Variants in HMCN1 observed in about 807,000 individuals in gnomAD.
The protein encoded by HMCN1 is hemicentin 1, also known as hemicentin-1.
A neutral mutation model predicts 625.9 loss-of-function variants in HMCN1; 321 were observed. The observed-to-expected ratio is 0.51, with a 90% CI of 0.47 to 0.56. The LOEUF (loss-of-function observed/expected upper bound fraction) is 0.56, where lower values mean the gene tolerates loss of function less well. HMCN1 is among the 20% of genes least tolerant of loss of function. HMCN1 has a pLI of 0.00. For synonymous variants in HMCN1, 2,425 were observed against 2,417.6 expected, an observed-to-expected ratio of 1.00 and a Z score of -0.09; for missense variants, 6,588 against 6,887.3, an observed-to-expected ratio of 0.96 and a Z score of 1.54.
chr1:185,780,758 T>C (rs1202124768), intron 1 of HMCN1, among the ~76,000 whole-genome samples: 1 of 152,246 alleles, frequency 6.6e-6, no homozygotes. Flanking sequence ...GCCAGTATTT[T>C]ATTGAGGATT....
intron 11 of HMCN1, among the ~76,000 whole-genome samples, chr1:185,943,445 C>A (rs1417347365): frequency 6.6e-6 from 1 of 152,118 alleles, no homozygotes; most frequent in Non-Finnish European, 1.5e-5. Context: ...TAAGGAAATA[C>A]CCCCATACAT....
At chr1:185,979,823 A>T (rs1651490664) in intron 16 of HMCN1, among the ~76,000 whole-genome samples, 1 of 152,124 alleles carries the variant, frequency 6.6e-6, no homozygotes, top group African/African-American at 2.4e-5. Context: ...TCTCTGTTCA[A>T]ATCTTATCAA....
intron 36 of HMCN1, among the ~76,000 whole-genome samples, chr1:186,029,589 T>C (rs190861084): frequency 6.6e-6 from 1 of 152,080 alleles, no homozygotes; most frequent in East Asian, 1.9e-4. Context: ...CTCTTTCATT[T>C]CTGATTGTAG....
In HMCN1 at chr1:185,876,895, C is replaced by T. The variant is rs117844466; in HGVS notation, c.621+11032C>T. 1.3e-3 allele frequency among the ~76,000 whole-genome samples: 192 copies of T among 152,014 alleles called. 3 individuals are homozygous for T. In the East Asian group the frequency reaches 0.034, roughly 27 times the overall value. On this transcript the variant is annotated intron_variant, in intron 4 of 106. Transcript: ENST00000271588. ...TACTCCACTAGTTATTTCTTTTGCT[C>T]TGCAGGAGGTATTTTGTTTAAGTCC...
At chr1:185,993,933 C>T (rs573345423) in intron 23 of HMCN1, among the ~76,000 whole-genome samples, 3 of 152,076 alleles carry the variant, frequency 2.0e-5, no homozygotes, top group South Asian at 2.1e-4. Context: ...AATTGTGTCC[C>T]CATTGATTAT....
chr1:186,114,569 A>C (rs769444195), intron 73 of HMCN1, among the ~76,000 whole-genome samples: 2 of 152,080 alleles, frequency 1.3e-5, no homozygotes, highest in African/African-American at 2.4e-5. Context: ...CAAATTTAGT[A>C]TTTTAAAAGC....
chr1:186,002,716 C>T (rs1267418918), intron 28 of HMCN1, among the ~76,000 whole-genome samples: 2 of 151,988 alleles, frequency 1.3e-5, no homozygotes, highest in African/African-American at 4.8e-5. Context: ...CTAATTTTCT[C>T]CATAGTATTG....
chr1:185,879,768 T>G (rs1252411695), intron 4 of HMCN1, among the ~76,000 whole-genome samples: 1 of 152,122 alleles, frequency 6.6e-6, no homozygotes, highest in Non-Finnish European at 1.5e-5. Context: ...TTGGTTGGCC[T>G]TGGGAATGTG....
chr1:185,796,890 A>T (rs1242789966), intron 1 of HMCN1, among the ~76,000 whole-genome samples: 1 of 152,150 alleles, frequency 6.6e-6, no homozygotes, highest in East Asian at 1.9e-4. Flanking sequence ...CAAACGGTAG[A>T]TCTATTTTTA....
intron 1 of HMCN1, among the ~76,000 whole-genome samples, chr1:185,748,386 G>A (rs1654574398): frequency 6.6e-6 from 1 of 152,066 alleles, no homozygotes; most frequent in South Asian, 2.1e-4. Flanking sequence ...CTATGTGCAG[G>A]ACAATGTCTC....
chr1:185,912,146 C>G (rs1258387046), intron 6 of HMCN1, among the ~76,000 whole-genome samples: 1 of 152,164 alleles, frequency 6.6e-6, no homozygotes, highest in East Asian at 1.9e-4. Context: ...GGGTTTGAAT[C>G]TTAACACCAC....
At chr1:185,853,578 C>T (rs1022767455) in intron 2 of HMCN1, among the ~76,000 whole-genome samples, 7 of 152,072 alleles carry the variant, frequency 4.6e-5, no homozygotes, top group African/African-American at 1.4e-4. Flanking sequence ...GAGGGACAAA[C>T]CATCCTACAT....
At chr1:186,081,503 T>A (rs1659169854) in intron 56 of HMCN1, 109 bp downstream of exon 56, 1 of 778,768 alleles carries the variant, frequency 1.3e-6, no homozygotes, top group African/African-American at 1.8e-5. Context: ...AATATTATAT[T>A]TGTAAAAATA....
At position 186,165,012 on chromosome 1, in the gene HMCN1, T is replaced by C. The variant is rs1651787732; in HGVS notation, c.15257-99T>C. ...CTATTGCATTTTTGCATCATGTGTT[T>C]CATCTTTGGCATATCTTCCCAGGGA... On this transcript the variant is annotated intron_variant, in intron 97 of 106. Coordinates refer to ENST00000271588, the MANE Select transcript of HMCN1 (RefSeq NM_031935.3). The C allele has an allele frequency of 6.7e-6, 7 of 1,045,804 alleles. No individual in the cohort carries two copies. The South Asian group carries it at 7.8e-5, about 12-fold the overall frequency. 64.8% of individuals were successfully genotyped at this position (1,045,804 alleles called of 1,614,324 possible).
rs930780704 is a variant in HMCN1 at position 186,144,178 on chromosome 1, G to A, written c.13930G>A (p.Gly4644Arg). ...GTCTTTTGGGGTGTTTGCAGTTCAT[G>A]GAGCATGGAGCGCTTGGCAGCCTTG... ...MCNIRPCPVH[G>R]AWSAWQPWGT... The change falls in exon 90 of 107, where the codon GGA becomes AGA. Residue 4644 changes from glycine (G) to arginine (R), a missense_variant. Gly to Arg is a moderately radical substitution (Grantham distance 125). Coordinates refer to ENST00000271588, the MANE Select transcript of HMCN1 (RefSeq NM_031935.3). The A allele has an allele frequency of 1.2e-6, 2 of 1,600,038 alleles. No homozygotes were observed. Among genetic ancestry groups the A allele is most frequent in the Non-Finnish European group, 1.7e-6 (2 of 1,173,420 alleles).
chr1:186,091,797 T>C (rs1186750691), intron 64 of HMCN1, among the ~76,000 whole-genome samples: 1 of 152,012 alleles, frequency 6.6e-6, no homozygotes, highest in African/African-American at 2.4e-5. Context: ...AATATGTAAA[T>C]TTAAGGGTTT....
chr1:186,020,077 A>G (rs1375502316), intron 35 of HMCN1, among the ~76,000 whole-genome samples: 2 of 152,080 alleles, frequency 1.3e-5, no homozygotes, highest in East Asian at 1.9e-4. Flanking sequence ...AGGTAACATA[A>G]GTCTTGAAAA....
At chr1:186,161,053 C>G (rs1293682208) in intron 97 of HMCN1, among the ~76,000 whole-genome samples, 1 of 152,164 alleles carries the variant, frequency 6.6e-6, no homozygotes, top group African/African-American at 2.4e-5. Context: ...GTGTGGGAGT[C>G]TAAGTCTCTT....
intron 1 of HMCN1, among the ~76,000 whole-genome samples, chr1:185,766,112 T>C (rs182737617): frequency 6.6e-6 from 1 of 152,268 alleles, no homozygotes; most frequent in Non-Finnish European, 1.5e-5. Flanking sequence ...ATGTTCGCTT[T>C]AATGAAGCTT....
Sources: gnomAD v4.1 joint callset for allele counts (sites outside exome capture counted in the v4.1 genomes callset) on GRCh38, gnomAD v4.1.1 for gene constraint, MANE v1.5 for transcripts, NCBI Gene and HGNC (gene_info 2026-07-23, HGNC 2026-07-21) for gene names.